The following LRP2 variants were observed in gnomAD, a reference collection of about 807,000 sequenced individuals.
LRP2 encodes LDL receptor related protein 2, also known as low-density lipoprotein receptor-related protein 2.
A neutral mutation model predicts 531.0 loss-of-function variants in LRP2; 172 were observed. The observed-to-expected ratio is 0.32, with a 90% CI of 0.29 to 0.37. LRP2 has a LOEUF of 0.37. LRP2 is among the 10% of genes least tolerant of loss of function. The pLI is 1.00. For synonymous variants in LRP2, 1,992 were observed against 2,027.6 expected (o/e 0.98, Z 0.47); for missense variants, 5,167 against 5,868.3 (o/e 0.88, Z 3.90).
At chr2:169,336,566 G>A (rs896264378) in intron 1 of LRP2, among the ~76,000 whole-genome samples, 13 of 138,142 alleles carry the variant, frequency 9.4e-5, no homozygotes, top group Non-Finnish European at 1.6e-4. Context: ...ACACACACAC[G>A]CACAGAGGAA....
intron 1 of LRP2, among the ~76,000 whole-genome samples, chr2:169,359,340 T>A (rs1453713730): frequency 6.6e-6 from 1 of 152,174 alleles, no homozygotes; most frequent in Non-Finnish European, 1.5e-5. Context: ...CTGCAAAATG[T>A]TTTTTCTTGA....
chr2:169,346,848 C>A (rs546079931), intron 1 of LRP2, among the ~76,000 whole-genome samples: 1 of 152,254 alleles, frequency 6.6e-6, no homozygotes, highest in South Asian at 2.1e-4. Context: ...TTGCTTTTAA[C>A]GACAACTTTT....
chr2:169,339,340 A>G (rs185117793), intron 1 of LRP2, among the ~76,000 whole-genome samples: 128 of 152,284 alleles, frequency 8.4e-4, no homozygotes, highest in African/African-American at 3.0e-3. Context: ...AGATTCACAA[A>G]ACAACAACAT....
intron 1 of LRP2, among the ~76,000 whole-genome samples, chr2:169,338,816 A>G (rs1005979671): frequency 6.6e-5 from 10 of 152,188 alleles, no homozygotes; most frequent in African/African-American, 1.9e-4. Context: ...TTAGAAGCCA[A>G]GTAACTGTCC....
At chr2:169,146,645 CT>C in intron 69 of LRP2, 93 bp downstream of exon 69, 1 of 1,087,404 alleles carries the variant, frequency 9.2e-7, no homozygotes. Flanking sequence ...AAGCCATTTC[CT>C]AAGAGCAGGG....
chr2:169,361,377 C>CTCTCTCTCTCTCTCTCTCT lies in LRP2; in HGVS notation c.79+943_79+944insAGAGAGAGAGAGAGAGAGA, dbSNP rs1559092856. On this transcript the variant is annotated intron_variant, in intron 1 of 78. Transcript: ENST00000649046. ...CTCTCTCTCTCTCTCTCTCTCTCTC[C>CTCTCTCTCTCTCTCTCTCT]CTCTCTCTCTCTCTCTCTGTCTCTC... 3.3e-4 allele frequency among the ~76,000 whole-genome samples: 17 copies of CTCTCTCTCTCTCTCTCTCT among 52,272 alleles called. 1 individual carries two copies. The highest frequency in any genetic ancestry group is 9.3e-4 in the Admixed American group (4 of 4,316). 34.3% of individuals were successfully genotyped at this position (52,272 alleles called of 152,430 possible).
At chr2:169,173,568 C>A (rs1434455708) in intron 56 of LRP2, among the ~76,000 whole-genome samples, 1 of 152,164 alleles carries the variant, frequency 6.6e-6, no homozygotes, top group East Asian at 1.9e-4. Context: ...GTTTCCTCAT[C>A]TGTAAAATGG....
At chr2:169,286,300 G>A (rs912175239) in intron 9 of LRP2, among the ~76,000 whole-genome samples, 2 of 152,188 alleles carry the variant, frequency 1.3e-5, no homozygotes, top group African/African-American at 2.4e-5. Context: ...TCCAAATGAG[G>A]TTGTCTGTAC....
chr2:169,200,086 T>TA (rs1273290755), intron 44 of LRP2, among the ~76,000 whole-genome samples: 1 of 151,854 alleles, frequency 6.6e-6, no homozygotes, highest in East Asian at 1.9e-4. Flanking sequence ...TCGTCTCTAC[T>TA]AAAAAATACA....
chr2:169,232,746 G>A (rs1375131834), intron 30 of LRP2, among the ~76,000 whole-genome samples: 1 of 152,206 alleles, frequency 6.6e-6, no homozygotes, highest in Non-Finnish European at 1.5e-5. Flanking sequence ...CGCAGAAGCT[G>A]AGAGGCAGGA....
rs1381619813 is a variant in LRP2 at position 169,243,390 on chromosome 2, G to A, written c.3550+13C>T. The A allele has an allele frequency of 6.2e-7, 1 of 1,613,786 alleles. No individual in the cohort carries two copies. The highest frequency in any genetic ancestry group is 8.5e-7 in the Non-Finnish European group (1 of 1,179,790). ...ATAAACATTGTGAATAAAAAAGAAG[G>A]CAATGCACTTACCACAACCAACCTC... On this transcript the variant is annotated intron_variant, in intron 23 of 78. Coordinates refer to ENST00000649046, the MANE Select transcript of LRP2 (RefSeq NM_004525.3).
intron 1 of LRP2, among the ~76,000 whole-genome samples, chr2:169,342,197 T>TA (rs75145490): frequency 0.021 from 2,723 of 131,426 alleles, 67 homozygotes; most frequent in African/African-American, 0.065. Context: ...GCAGGAAAAT[T>TA]AAAAAAAAAA....
At chr2:169,228,390 T>C (rs973213311) in intron 31 of LRP2, among the ~76,000 whole-genome samples, 1 of 152,144 alleles carries the variant, frequency 6.6e-6, no homozygotes, top group Non-Finnish European at 1.5e-5. Context: ...TAATTATTTA[T>C]TGATTATCTG....
chr2:169,275,004 C>A, intron 14 of LRP2, 32 bp downstream of exon 14: 1 of 1,601,878 alleles, frequency 6.2e-7, no homozygotes, highest in Non-Finnish European at 8.6e-7. Context: ...AAGTCCGGTA[C>A]CAAGCATGGT....
At chr2:169,151,294 A>T (rs1307782474) in intron 67 of LRP2, among the ~76,000 whole-genome samples, 1 of 152,202 alleles carries the variant, frequency 6.6e-6, no homozygotes, top group Non-Finnish European at 1.5e-5. Context: ...AATTAACTCA[A>T]TTCCAAAGAC....
intron 64 of LRP2, among the ~76,000 whole-genome samples, chr2:169,156,897 T>C (rs377263642): frequency 2.6e-5 from 4 of 152,206 alleles, no homozygotes; most frequent in African/African-American, 9.6e-5. Flanking sequence ...TAAATTCAAA[T>C]ACTAAAAGGC....
At chr2:169,338,396 G>GAAAGA (rs1553516024) in intron 1 of LRP2, among the ~76,000 whole-genome samples, 5 of 123,206 alleles carry the variant, frequency 4.1e-5, no homozygotes, top group Non-Finnish European at 8.6e-5. Flanking sequence ...AAGAAAGAAA[G>GAAAGA]AAAGAAAGAA....
intron 33 of LRP2, among the ~76,000 whole-genome samples, chr2:169,222,365 G>A (rs1689049865): frequency 1.3e-5 from 2 of 152,228 alleles, no homozygotes; most frequent in African/African-American, 4.8e-5. Flanking sequence ...GCTCAGAGAA[G>A]TTAAGTAATT....
intron 1 of LRP2, among the ~76,000 whole-genome samples, chr2:169,349,114 A>G (rs1285324755): frequency 6.6e-6 from 1 of 152,212 alleles, no homozygotes; most frequent in African/African-American, 2.4e-5. Flanking sequence ...CCCTTGTGCC[A>G]TTTACATCTT....
Sources: allele counts gnomAD v4.1 joint callset (sites outside exome capture counted in the v4.1 genomes callset), GRCh38; gene constraint gnomAD v4.1.1; transcripts MANE v1.5; gene names NCBI Gene and HGNC (gene_info 2026-07-23, HGNC 2026-07-21).